The following UNC5D variants were observed in gnomAD, a reference collection of about 807,000 sequenced individuals.
UNC5D encodes netrin receptor UNC5D.
UNC5D carries 39 observed loss-of-function variants against 105.4 expected under a neutral mutation model. The ratio of observed to expected loss-of-function variants is 0.37; its 90% CI spans 0.29 to 0.48. The LOEUF (loss-of-function observed/expected upper bound fraction) is 0.48. UNC5D is among the 20% of genes least tolerant of loss of function. The pLI, the probability that UNC5D is intolerant of heterozygous loss-of-function variation, is 0.98. For missense variants in UNC5D, 991 were observed against 1,202.4 expected (o/e 0.82, Z 2.60); for synonymous variants, 452 against 450.4 (o/e 1.00, Z -0.04).
chr8:35,762,652 C>G (rs113437004), intron 14 of UNC5D, among the ~76,000 whole-genome samples: 7 of 152,288 alleles, frequency 4.6e-5, no homozygotes, highest in African/African-American at 1.7e-4. Context: ...GTTACTGGGA[C>G]TGAGATCACC....
chr8:35,537,936 G>C (rs1814958830), intron 1 of UNC5D, among the ~76,000 whole-genome samples: 1 of 151,772 alleles, frequency 6.6e-6, no homozygotes, highest in Non-Finnish European at 1.5e-5. Flanking sequence ...TTTAACCATT[G>C]GTAATATAAA....
intron 2 of UNC5D, among the ~76,000 whole-genome samples, chr8:35,551,547 C>T (rs1338917875): frequency 1.3e-5 from 2 of 152,016 alleles, no homozygotes; most frequent in African/African-American, 4.8e-5. Flanking sequence ...GAGCCGGGTG[C>T]GGTGGCTCAC....
chr8:35,454,861 C>T (rs1250914110), intron 1 of UNC5D, among the ~76,000 whole-genome samples: 6 of 152,102 alleles, frequency 3.9e-5, no homozygotes, highest in African/African-American at 7.2e-5. Flanking sequence ...CTACCGTACA[C>T]GGGTGAGGAA....
chr8:35,599,911 C>T (rs866977772), intron 4 of UNC5D, among the ~76,000 whole-genome samples: 29 of 152,118 alleles, frequency 1.9e-4, no homozygotes, highest in African/African-American at 6.5e-4. Context: ...ATTAACTCGT[C>T]ATTTAGCATT....
At chr8:35,402,959 T>C (rs151212244) in intron 1 of UNC5D, among the ~76,000 whole-genome samples, 140 of 152,316 alleles carry the variant, frequency 9.2e-4, no homozygotes, top group African/African-American at 3.3e-3. Context: ...AGTGTTCATT[T>C]TGCCTCATAG....
At chr8:35,567,041 A>G (rs1209282371) in intron 2 of UNC5D, among the ~76,000 whole-genome samples, 2 of 151,800 alleles carry the variant, frequency 1.3e-5, no homozygotes, top group Non-Finnish European at 2.9e-5. Flanking sequence ...GCACCAGACA[A>G]TTTGTTTAAT....
intron 1 of UNC5D, among the ~76,000 whole-genome samples, chr8:35,446,932 T>C (rs1188770860): frequency 6.6e-6 from 1 of 152,056 alleles, no homozygotes; most frequent in Non-Finnish European, 1.5e-5. Flanking sequence ...CAAGCATGGA[T>C]CTCATCTTCA....
At chr8:35,300,494 A>G (rs1404001364) in intron 1 of UNC5D, among the ~76,000 whole-genome samples, 4 of 132,810 alleles carry the variant, frequency 3.0e-5, no homozygotes, top group Admixed American at 8.0e-5. Flanking sequence ...AAAAAAAAAA[A>G]GCAGAGTAAT....
At chr8:35,333,284 G>C (rs1810768324) in intron 1 of UNC5D, among the ~76,000 whole-genome samples, 1 of 152,176 alleles carries the variant, frequency 6.6e-6, no homozygotes, top group African/African-American at 2.4e-5. Flanking sequence ...TCGTGCCACT[G>C]CATGCCACCC....
chr8:35,722,509 G>A (rs528225021), intron 9 of UNC5D, 114 bp downstream of exon 9: 16 of 1,370,696 alleles, frequency 1.2e-5, no homozygotes, highest in Middle Eastern at 2.7e-4. Context: ...ACTGGGAGCC[G>A]CTACCAAATT....
chr8:35,281,586 T>C (rs1281650686), intron 1 of UNC5D, among the ~76,000 whole-genome samples: 1 of 152,068 alleles, frequency 6.6e-6, no homozygotes, highest in Non-Finnish European at 1.5e-5. Context: ...ACTGCAGGCA[T>C]GGACCACCAC....
At chr8:35,544,249 C>A in intron 1 of UNC5D, 1 of 923,362 alleles carries the variant, frequency 1.1e-6, no homozygotes, top group Non-Finnish European at 1.5e-6. Flanking sequence ...CCTTAGCCTA[C>A]CAAGGCTCTT....
At chr8:35,299,582 A>T (rs986304970) in intron 1 of UNC5D, among the ~76,000 whole-genome samples, 2 of 152,202 alleles carry the variant, frequency 1.3e-5, no homozygotes, top group Non-Finnish European at 2.9e-5. Context: ...GTGGAGATGC[A>T]AACTGACACA....
At chr8:35,513,097 A>G (rs1011289927) in intron 1 of UNC5D, among the ~76,000 whole-genome samples, 3 of 151,944 alleles carry the variant, frequency 2.0e-5, no homozygotes, top group Admixed American at 2.0e-4. Context: ...TGGTTTTTCT[A>G]GTATTCCAGA....
chr8:35,445,387 T>C (rs77961231), intron 1 of UNC5D, among the ~76,000 whole-genome samples: 4,194 of 152,164 alleles, frequency 0.028, 212 homozygotes, highest in African/African-American at 0.095. Flanking sequence ...TAGTGAAATA[T>C]GAACAATGCT....
At chr8:35,304,081 T>C (rs1808161201) in intron 1 of UNC5D, among the ~76,000 whole-genome samples, 1 of 152,118 alleles carries the variant, frequency 6.6e-6, no homozygotes, top group African/African-American at 2.4e-5. Context: ...CTTGACAGAA[T>C]CCCTTGATTG....
chr8:35,581,919 G>C (rs1412550704), intron 3 of UNC5D, among the ~76,000 whole-genome samples: 1 of 152,076 alleles, frequency 6.6e-6, no homozygotes, highest in African/African-American at 2.4e-5. Flanking sequence ...TAAAAGTCCA[G>C]CCACCTCTGC....
intron 1 of UNC5D, among the ~76,000 whole-genome samples, chr8:35,262,262 G>T (rs1423855701): frequency 5.3e-5 from 8 of 152,140 alleles, no homozygotes; most frequent in Admixed American, 5.2e-4. Context: ...TTCTCCTCTA[G>T]AGTCATTTCT....
chr8:35,745,338 C>A (rs2131621587), intron 11 of UNC5D, among the ~76,000 whole-genome samples: 1 of 152,236 alleles, frequency 6.6e-6, no homozygotes, highest in African/African-American at 2.4e-5. Context: ...AAGCAGGCAG[C>A]ACTCCAGAGT....
Sources: gnomAD v4.1 joint callset for allele counts (sites outside exome capture counted in the v4.1 genomes callset) on GRCh38, gnomAD v4.1.1 for gene constraint, MANE v1.5 for transcripts, NCBI Gene and HGNC (gene_info 2026-07-23, HGNC 2026-07-21) for gene names.